The following CORO6 variants were observed in gnomAD, a reference collection of about 807,000 sequenced individuals.
CORO6 encodes the protein coronin-6.
Under a neutral mutation model 49.0 loss-of-function variants are expected in CORO6, and 43 were observed. That is an observed-to-expected ratio of 0.88 (90% CI 0.69 to 1.13). The LOEUF (loss-of-function observed/expected upper bound fraction) is 1.13. CORO6 is among the 50% of genes most tolerant of loss of function. The probability of loss-of-function intolerance (pLI) is 0.00; values close to 1 mark genes in which losing one functional copy is unlikely to be tolerated. For missense variants in CORO6, 650 were observed against 647.0 expected (o/e 1.00, Z -0.05); for synonymous variants, 233 against 256.5 (o/e 0.91, Z 0.88).
Position 29,616,041 on chromosome 17 carries a change from C to T in CORO6, c.1197G>A (p.Lys399=), listed in dbSNP as rs746683301. Residue 399 remains lysine, a synonymous_variant, in exon 10 of 11, where the codon AAG becomes AAA. Transcript: ENST00000388767. This position sits in a 1 kb window ranked among gnomAD's most constrained non-coding sequence, Gnocchi z 5.6. ...GCTTCGTGACCCGGAGCTCGCGGTGCTTGGGGGGCACATAGCCGTCCCTCA... is the reference window on the plus strand; with the variant it reads ...GCTTCGTGACCCGGAGCTCGCGGTGTTTGGGGGGCACATAGCCGTCCCTCA... ...ISLRDGYVPP[K]HRELRVTKRN... 3 of 1,611,408 alleles carry T rather than the reference C, an allele frequency of 1.9e-6. No homozygotes were observed. The highest frequency in any genetic ancestry group is 3.3e-5 in the Admixed American group (2 of 59,900).
chr17:29,621,205 C>T lies in CORO6; in HGVS notation c.198+19G>A. ...CCAGCTAGTGTCCTCCCACTTGCTT[C>T]CTTTCCCTGATCCCTCACCTTGGCC... On this transcript the variant is annotated intron_variant, in intron 2 of 10. Transcript: ENST00000388767. This position sits in a 1 kb window ranked among gnomAD's most constrained non-coding sequence, Gnocchi z 4.2. The T allele has an allele frequency of 6.2e-7, 1 of 1,613,808 alleles. No homozygotes were observed. Among genetic ancestry groups the T allele is most frequent in the Non-Finnish European group, 8.5e-7 (1 of 1,179,944 alleles).
At chr17:29,619,961 T>C (rs1291563785) in intron 2 of CORO6, among the ~76,000 whole-genome samples, 188 bp from the exon 3 acceptor site, 4 of 152,114 alleles carry the variant, frequency 2.6e-5, no homozygotes, top group Non-Finnish European at 5.9e-5. Flanking sequence ...AATTTAATAT[T>C]AGGGACTGTG....
In CORO6 at chr17:29,615,594, C is replaced by A; in HGVS notation, c.*138G>T. On this transcript the variant is annotated 3_prime_UTR_variant, in exon 11 of 11. Transcript: ENST00000388767. The stretch of plus-strand genomic sequence containing the variant: ...CCTAAGCTCCAAGAGTTCTGGTCTC[C>A]CGCGAGGGGCGGAGTTCCCTCCCCA... 3.1e-6 allele frequency: 3 copies of A among 955,846 alleles called. No individual in the cohort carries two copies. Among genetic ancestry groups the A allele is most frequent in the Non-Finnish European group, 4.5e-6 (3 of 672,106 alleles). The allele number at this position is 955,846 out of a possible 1,614,324, so 59.2% of individuals were successfully genotyped here.
At chr17:29,622,576 C>T (rs2035363331) in intron 1 of CORO6, 112 bp downstream of exon 1, 3 of 538,136 alleles carry the variant, frequency 5.6e-6, no homozygotes, top group Non-Finnish European at 8.1e-6. Context: ...ACGTCCTCCC[C>T]GCCCGAAACC....
In CORO6 at chr17:29,616,184, G is replaced by T. The variant is rs745534832; in HGVS notation, c.1063-9C>A. The T allele has an allele frequency of 4.3e-6, 7 of 1,611,752 alleles. No individual in the cohort carries two copies. The highest frequency in any genetic ancestry group is 2.2e-5 in the East Asian group (1 of 44,818). Reference sequence around the variant, plus strand: ...TCCTGGAAGAGGTCTGACTGCGGGGGTGGGTGGACAGGAGGACTTGCGTGA... The same window carrying T: ...TCCTGGAAGAGGTCTGACTGCGGGGTTGGGTGGACAGGAGGACTTGCGTGA... On this transcript the variant is annotated splice_polypyrimidine_tract_variant and intron_variant, in intron 9 of 10. Coordinates refer to ENST00000388767, the MANE Select transcript of CORO6 (RefSeq NM_032854.4). The surrounding 1 kb of genome is among the most constrained non-coding windows in gnomAD (Gnocchi z 5.6).
At position 29,616,554 on chromosome 17, in the gene CORO6, G is replaced by C; in HGVS notation, c.1004+148C>G. On this transcript the variant is annotated intron_variant, in intron 8 of 10. Transcript: ENST00000388767. This position sits in a 1 kb window ranked among gnomAD's most constrained non-coding sequence, Gnocchi z 5.6. ...AGTTGAGAATGTAAGGCTAGTGAGC[G>C]GTGGGTCTGGCACTGAAACAGAGCT... is the stretch of plus-strand genomic sequence containing the variant. The C allele has an allele frequency of 9.5e-7, 1 of 1,057,230 alleles. No homozygotes were observed. Among genetic ancestry groups the C allele is most frequent in the Admixed American group, 2.2e-5 (1 of 45,432 alleles). The allele number at this position is 1,057,230 out of a possible 1,614,324, so 65.5% of individuals were successfully genotyped here.
Position 29,616,584 on chromosome 17 carries a change from T to C in CORO6, c.1004+118A>G. 1 of 1,377,808 alleles carries C rather than the reference T, an allele frequency of 7.3e-7. No individual in the cohort carries two copies. The highest frequency in any genetic ancestry group is 1.0e-6 in the Non-Finnish European group (1 of 997,642). 85.3% of individuals were successfully genotyped at this position (1,377,808 alleles called of 1,614,324 possible). A position where few individuals can be genotyped will look rare whatever the true frequency, so the allele number is the denominator to read the frequency against. ...GTCTGGCACTGAAACAGAGCTGTCT[T>C]ATCCCCCCGCCCCGCTTTTCCAAAG... On this transcript the variant is annotated intron_variant, in intron 8 of 10. Coordinates refer to ENST00000388767, the MANE Select transcript of CORO6 (RefSeq NM_032854.4). The surrounding 1 kb of genome is among the most constrained non-coding windows in gnomAD (Gnocchi z 5.6).
At position 29,618,934 on chromosome 17, in the gene CORO6, G is replaced by A. The variant is rs758318761; in HGVS notation, c.489C>T (p.Thr163=). ...CATCCAGGCTCAGCAGCACCTCCCC[G>A]GTGCCCACATTCCAGATGATGATCA... ...DNVIIIWNVG[T]GEVLLSLDDM... Residue 163 remains threonine, a synonymous_variant, in exon 5 of 11, where the codon ACC becomes ACT. Transcript: ENST00000388767. 3.1e-6 allele frequency: 5 copies of A among 1,613,776 alleles called. No individual in the cohort carries two copies. The highest frequency in any genetic ancestry group is 3.4e-6 in the Non-Finnish European group (4 of 1,180,004).
intron 6 of CORO6, 137 bp downstream of exon 6, chr17:29,617,363 G>A (rs1053173158): frequency 5.2e-6 from 8 of 1,543,174 alleles, no homozygotes; most frequent in Non-Finnish European, 6.1e-6. Flanking sequence ...GTGGGTGTGA[G>A]AATGGCAGGC....
intron 5 of CORO6, 148 bp from the exon 6 acceptor site, chr17:29,617,767 T>C: frequency 1.1e-6 from 1 of 886,874 alleles, no homozygotes; most frequent in Non-Finnish European, 1.7e-6. Flanking sequence ...GCACTCAGCT[T>C]CCTGCGGGGC....
intron 6 of CORO6, 163 bp from the exon 7 acceptor site, chr17:29,617,205 C>T (rs1171401440): frequency 6.5e-7 from 1 of 1,538,432 alleles, no homozygotes; most frequent in Non-Finnish European, 8.7e-7. Flanking sequence ...TCTCCTCCTC[C>T]CCTGCGCACA....
chr17:29,616,926 G>A lies in CORO6; in HGVS notation c.858+12C>T, dbSNP rs754799036. 2.5e-6 allele frequency: 4 copies of A among 1,613,504 alleles called. No individual in the cohort carries two copies. The highest frequency in any genetic ancestry group is 4.5e-5 in the East Asian group (2 of 44,888). ...ATCCAGTGCCCTGTTCTCCCTGCCC[G>A]GCCGTGAGCACCTTGCCACACAGGT... On this transcript the variant is annotated intron_variant, in intron 7 of 10. Coordinates refer to ENST00000388767, the MANE Select transcript of CORO6 (RefSeq NM_032854.4). This position sits in a 1 kb window ranked among gnomAD's most constrained non-coding sequence, Gnocchi z 5.6.
rs1280454383 is a variant in CORO6, at chr17:29,614,867, GA to G, written c.*864del. 1 of 152,282 alleles carries G rather than the reference GA, an allele frequency of 6.6e-6. No homozygotes were observed. The highest frequency in any genetic ancestry group is 6.5e-5 in the Admixed American group (1 of 15,282). 9.4% of individuals were successfully genotyped at this position (152,282 alleles called of 1,614,324 possible). On this transcript the variant is annotated 3_prime_UTR_variant, in exon 11 of 11. Transcript: ENST00000388767. ...CTCTAGGGTAAGAGGCTGCCTGATG[GA>G]CCCTGAGCCCAGGAGTGCATCGCCA...
intron 5 of CORO6, chr17:29,618,093 G>A (rs1358831648): frequency 6.8e-7 from 1 of 1,480,808 alleles, no homozygotes. Context: ...TGCTGAAGCC[G>A]GTGCTGAGCA....
chr17:29,622,619 C>A (rs553991154), intron 1 of CORO6, 69 bp downstream of exon 1: 324 of 917,812 alleles, frequency 3.5e-4, no homozygotes, highest in Non-Finnish European at 4.3e-4. Flanking sequence ...GAGGCGCAGA[C>A]CTCTGCCCCT....
rs781163770 is a variant in CORO6, at chr17:29,616,757, C to G, written c.949G>C (p.Gly317Arg). The G allele has an allele frequency of 1.3e-5, 21 of 1,613,742 alleles. No homozygotes were observed. The highest frequency in any genetic ancestry group is 6.8e-6 in the Non-Finnish European group (8 of 1,179,954). Reference sequence around the variant, plus strand: ...CCCCTTTTGGGCATGAAACCCATGCCCCGCTGCGGCTCTTTGCTGCTGAAC... The same window carrying G: ...CCCCTTTTGGGCATGAAACCCATGCGCCGCTGCGGCTCTTTGCTGCTGAAC... ...NTFSSKEPQRGMGFMPKRGLD... is the reference protein window; with the variant it reads ...NTFSSKEPQRRMGFMPKRGLD... The change falls in exon 8 of 11, where the codon GGC becomes CGC. Residue 317 changes from glycine (G) to arginine (R), a missense_variant. Transcript: ENST00000388767. This position sits in a 1 kb window ranked among gnomAD's most constrained non-coding sequence, Gnocchi z 5.6.
In CORO6 at chr17:29,616,177, T is replaced by G; in HGVS notation, c.1063-2A>C. 6.2e-7 allele frequency: 1 copy of G among 1,612,350 alleles called. No homozygotes were observed. Among genetic ancestry groups the G allele is most frequent in the Non-Finnish European group, 8.5e-7 (1 of 1,178,966 alleles). ...CAGATCGTCCTGGAAGAGGTCTGAC[T>G]GCGGGGGTGGGTGGACAGGAGGACT... On this transcript the variant is annotated splice_acceptor_variant, in intron 9 of 10. Transcript: ENST00000388767. LOFTEE classifies it high-confidence loss of function. This position sits in a 1 kb window ranked among gnomAD's most constrained non-coding sequence, Gnocchi z 5.6.
At position 29,618,300 on chromosome 17, in the gene CORO6, GGCC is replaced by G; in HGVS notation, c.633+487_633+489del. 3.9e-6 allele frequency: 5 copies of G among 1,295,200 alleles called. No homozygotes were observed. The South Asian group carries it at 1.2e-4, about 32-fold the overall frequency. 80.2% of individuals were successfully genotyped at this position (1,295,200 alleles called of 1,614,324 possible). Reference sequence around the variant, plus strand: ...TTAGACTTGAGGCTGGCGAGGCCAGGGCCGCCGCCCTCCCAGGGCATCCGGCTG... The same window carrying G: ...TTAGACTTGAGGCTGGCGAGGCCAGGGCCGCCCTCCCAGGGCATCCGGCTG... On this transcript the variant is annotated intron_variant, in intron 5 of 10. Transcript: ENST00000388767.
At chr17:29,619,259 C>CA in intron 3 of CORO6, 70 bp from the exon 4 acceptor site, 1 of 1,541,996 alleles carries the variant, frequency 6.5e-7, no homozygotes, top group South Asian at 1.2e-5. Flanking sequence ...CCTTCCCTAC[C>CA]TTTTTTTTTA....
Sources: gnomAD v4.1 joint callset for allele counts (sites outside exome capture counted in the v4.1 genomes callset) on GRCh38, gnomAD v4.1.1 for gene constraint, Gnocchi (gnomAD v3.1) non-coding constraint, MANE v1.5 for transcripts, NCBI Gene and HGNC (gene_info 2026-07-23, HGNC 2026-07-21) for gene names.